Variants in PTPN3 observed in about 807,000 individuals in gnomAD.
PTPN3 encodes tyrosine-protein phosphatase non-receptor type 3.
Under a neutral mutation model 132.7 loss-of-function variants are expected in PTPN3, and 96 were observed. That is an observed-to-expected ratio of 0.72 (90% CI 0.61 to 0.86). The LOEUF (loss-of-function observed/expected upper bound fraction) is 0.86, where lower values mean the gene tolerates loss of function less well. Ranked by LOEUF, PTPN3 falls within the 40% of genes least tolerant of loss-of-function variation. The probability of loss-of-function intolerance (pLI) is 0.00; values close to 1 mark genes in which losing one functional copy is unlikely to be tolerated. For missense variants in PTPN3, 1,125 were observed against 1,159.6 expected, an observed-to-expected ratio of 0.97 and a Z score of 0.43; for synonymous variants, 398 against 429.0, an observed-to-expected ratio of 0.93 and a Z score of 0.89.
intron 1 of PTPN3, among the ~76,000 whole-genome samples, chr9:109,497,018 C>T (rs1443489625): frequency 6.6e-6 from 1 of 152,180 alleles, no homozygotes; most frequent in African/African-American, 2.4e-5. Flanking sequence ...TCTTGCAAAA[C>T]AGCTCTTTTG....
chr9:109,526,959 C>A, the PTPN3 span, among the ~76,000 whole-genome samples: 3 of 151,404 alleles, frequency 2.0e-5, no homozygotes, highest in Admixed American at 1.3e-4. Flanking sequence ...AATTGGATAT[C>A]CATAAAAAAA....
chr9:109,423,331 A>G (rs1279483261), intron 12 of PTPN3, among the ~76,000 whole-genome samples: 2 of 152,256 alleles, frequency 1.3e-5, no homozygotes, highest in Non-Finnish European at 2.9e-5. Context: ...CAAACTGGGC[A>G]CAGTGGCTCA....
In PTPN3 at chr9:109,383,338, C is replaced by T. The variant is rs117373935; in HGVS notation, c.2382+85G>A. 7.3e-3 allele frequency: 11,724 copies of T among 1,608,008 alleles called. 49 individuals carry two copies. Among genetic ancestry groups the T allele is most frequent in the Non-Finnish European group, 8.4e-3 (9,841 of 1,177,002 alleles). ...GCTTGCCAGGTGCAAACAGAGTGCA[C>T]ACCTAGAAGCGTGACCACCTGGGAT... On this transcript the variant is annotated intron_variant, in intron 23 of 25. Transcript: ENST00000374541.
At position 109,422,771 on chromosome 9, in the gene PTPN3, C is replaced by T; in HGVS notation, c.1083G>A (p.Glu361=). The change falls in exon 13 of 26, where the codon GAG becomes GAA. Residue 361 remains glutamate, a synonymous_variant. Coordinates refer to ENST00000374541, the MANE Select transcript of PTPN3 (RefSeq NM_002829.4). Reference sequence around the variant, plus strand: ...AAGGCAGACTCTTGGTTTCTAAGTGCTCCACTGATAAGGATCTCCGCATGG... The same window carrying T: ...AAGGCAGACTCTTGGTTTCTAAGTGTTCCACTGATAAGGATCTCCGCATGG... The part of the protein sequence containing the change: ...NPAMRRSLSV[E]HLETKSLPSR... The T allele has an allele frequency of 1.9e-6, 3 of 1,611,316 alleles. No individual in the cohort carries two copies. Among genetic ancestry groups the T allele is most frequent in the Non-Finnish European group, 2.5e-6 (3 of 1,177,698 alleles).
chr9:109,485,489 C>G (rs1311859800), intron 1 of PTPN3, among the ~76,000 whole-genome samples: 2 of 151,940 alleles, frequency 1.3e-5, no homozygotes, highest in Non-Finnish European at 2.9e-5. Flanking sequence ...GCCTGGGCAA[C>G]AGAGAGAGAC....
Position 109,420,432 on chromosome 9 carries a change from C to A in PTPN3, c.1305G>T (p.Pro435=), listed in dbSNP as rs116205878. Residue 435 remains proline (P), a synonymous_variant, in exon 14 of 26, where the codon CCG becomes CCT. Transcript: ENST00000374541. ...SDSEVSQNRS[P]HQESLSENNP... is the part of the protein sequence containing the mutation. ...CAACACGAGTTTCTTACTCTTGGTG[C>A]GGGCTTCGGTTCTGAGAAACTTCAG... is the stretch of plus-strand genomic sequence containing the variant. The A allele has an allele frequency of 3.3e-5, 53 of 1,591,628 alleles. No individual in the cohort carries two copies. Among genetic ancestry groups the A allele is most frequent in the Non-Finnish European group, 2.6e-6 (3 of 1,164,780 alleles).
chr9:109,438,008 G>T, intron 8 of PTPN3, 106 bp downstream of exon 8: 2 of 1,330,750 alleles, frequency 1.5e-6, no homozygotes, highest in South Asian at 1.8e-5. Flanking sequence ...CATCTTGAAA[G>T]AGGATTCATG....
At chr9:109,475,474 A>C (rs1297666526) in intron 1 of PTPN3, among the ~76,000 whole-genome samples, 1 of 152,264 alleles carries the variant, frequency 6.6e-6, no homozygotes, top group Non-Finnish European at 1.5e-5. Flanking sequence ...AATATGTTTT[A>C]CATTTAGCTG....
chr9:109,532,944 G>GT, the PTPN3 span: 3,831 of 311,360 alleles, frequency 0.012, 67 homozygotes, highest in Non-Finnish European at 0.014. Context: ...TCTTTTCTGG[G>GT]TTTTTTTTTT....
intron 10 of PTPN3, 80 bp from the exon 11 acceptor site, chr9:109,428,764 C>CT: frequency 6.5e-7 from 1 of 1,527,246 alleles, no homozygotes; most frequent in Non-Finnish European, 8.8e-7. Flanking sequence ...AATGCATGTC[C>CT]TTTACTCCAT....
the PTPN3 span, chr9:109,532,943 GGTTTTTTTTTTTTT>G: frequency 1.2e-5 from 7 of 598,792 alleles, no homozygotes; most frequent in South Asian, 1.0e-4. Context: ...TTCTTTTCTG[GGTTTTTTTTTTTTT>G]TTTTTTTTTT....
intron 1 of PTPN3, among the ~76,000 whole-genome samples, chr9:109,481,773 C>G (rs1846970268): frequency 6.6e-6 from 1 of 152,214 alleles, no homozygotes; most frequent in Non-Finnish European, 1.5e-5. Context: ...AAATTGGGAA[C>G]CCCATACTCA....
chr9:109,409,975 T>C (rs951678767), intron 16 of PTPN3, 24 bp downstream of exon 16: 12 of 1,611,624 alleles, frequency 7.4e-6, no homozygotes, highest in Non-Finnish European at 9.3e-6. Flanking sequence ...AGCACAAAAC[T>C]TCCTTTATAA....
At chr9:109,385,268 T>C (rs186701236) in intron 22 of PTPN3, among the ~76,000 whole-genome samples, 1 of 152,346 alleles carries the variant, frequency 6.6e-6, no homozygotes. Flanking sequence ...ATCCTGAGTT[T>C]CAACCCTGGT....
the PTPN3 span, among the ~76,000 whole-genome samples, chr9:109,506,417 T>C: frequency 6.6e-6 from 1 of 152,176 alleles, no homozygotes; most frequent in South Asian, 2.1e-4. Context: ...TACATAAACC[T>C]TTTTGTACCT....
chr9:109,534,486 A>T, the PTPN3 span, among the ~76,000 whole-genome samples: 1 of 151,564 alleles, frequency 6.6e-6, no homozygotes, highest in Non-Finnish European at 1.5e-5. Context: ...GCTCTTAAAA[A>T]GTTAGTGTGG....
At chr9:109,389,002 T>C (rs1839827397) in intron 22 of PTPN3, among the ~76,000 whole-genome samples, 1 of 152,132 alleles carries the variant, frequency 6.6e-6, no homozygotes, top group Admixed American at 6.5e-5. Flanking sequence ...GAAGTAAGGC[T>C]AGGGGAAGTG....
At chr9:109,455,933 C>T (rs544480233) in intron 4 of PTPN3, among the ~76,000 whole-genome samples, 4 of 152,336 alleles carry the variant, frequency 2.6e-5, no homozygotes, top group Admixed American at 1.3e-4. Context: ...AATGACAACA[C>T]CTATTCATGC....
At chr9:109,491,578 T>C (rs1847463531) in intron 1 of PTPN3, among the ~76,000 whole-genome samples, 4 of 152,204 alleles carry the variant, frequency 2.6e-5, no homozygotes, top group Admixed American at 2.0e-4. Flanking sequence ...TCACACAGCT[T>C]ACAGTGTAGC....
Sources: allele counts gnomAD v4.1 joint callset (sites outside exome capture counted in the v4.1 genomes callset), GRCh38; gene constraint gnomAD v4.1.1; transcripts MANE v1.5; gene names NCBI Gene and HGNC (gene_info 2026-07-23, HGNC 2026-07-21).